ACOXL: variants seen among roughly 807,000 people sequenced by gnomAD.
ACOXL encodes the protein acyl-coenzyme A oxidase-like protein.
A neutral mutation model predicts 71.9 loss-of-function variants in ACOXL; 70 were observed. The ratio of observed to expected loss-of-function variants is 0.97; its 90% CI spans 0.80 to 1.19. The LOEUF (loss-of-function observed/expected upper bound fraction) is 1.19, where lower values mean the gene tolerates loss of function less well. ACOXL is among the 50% of genes most tolerant of loss of function. ACOXL has a pLI of 0.00. For synonymous variants in ACOXL, 253 were observed against 281.6 expected (o/e 0.90, Z 1.02); for missense variants, 703 against 736.3 (o/e 0.95, Z 0.52).
At chr2:110,751,561 C>T (rs1291158992) in intron 1 of ACOXL, among the ~76,000 whole-genome samples, 1 of 152,148 alleles carries the variant, frequency 6.6e-6, no homozygotes, top group African/African-American at 2.4e-5. Context: ...TCAATACATG[C>T]CAGATCTTTT....
chr2:111,046,793 A>G (rs2066037206), intron 15 of ACOXL, among the ~76,000 whole-genome samples: 1 of 152,156 alleles, frequency 6.6e-6, no homozygotes, highest in South Asian at 2.1e-4. Flanking sequence ...CTGAGGAGAC[A>G]GGGAGGGAGT....
At chr2:110,733,899 CTG>C (rs1676509028) in intron 1 of ACOXL, among the ~76,000 whole-genome samples, 1 of 152,192 alleles carries the variant, frequency 6.6e-6, no homozygotes. Flanking sequence ...TGAGTACAAA[CTG>C]TTTTTATAGT....
intron 9 of ACOXL, among the ~76,000 whole-genome samples, chr2:110,811,313 G>A (rs1373900331): frequency 6.6e-6 from 1 of 152,170 alleles, no homozygotes; most frequent in East Asian, 1.9e-4. Context: ...GGTCTTGCAC[G>A]GTGGGGGGTC....
intron 12 of ACOXL, among the ~76,000 whole-genome samples, chr2:110,958,401 G>C (rs1423185126): frequency 6.6e-6 from 1 of 152,316 alleles, no homozygotes; most frequent in Non-Finnish European, 1.5e-5. Context: ...CTGACAACTG[G>C]AAGAACCGCT....
intron 5 of ACOXL, among the ~76,000 whole-genome samples, chr2:110,797,977 TATAAAG>T (rs1685476775): frequency 6.6e-6 from 1 of 152,186 alleles, no homozygotes; most frequent in Admixed American, 6.5e-5. Context: ...AGCCTGGCAT[TATAAAG>T]AGGAGAGACT....
At chr2:110,872,871 C>G (rs1695442363) in intron 10 of ACOXL, among the ~76,000 whole-genome samples, 1 of 152,208 alleles carries the variant, frequency 6.6e-6, no homozygotes, top group Non-Finnish European at 1.5e-5. Flanking sequence ...GGGCTTGTTC[C>G]TGGCTTGACT....
At chr2:110,908,970 C>T in intron 11 of ACOXL, 65 bp downstream of exon 11, 2 of 1,177,242 alleles carry the variant, frequency 1.7e-6, no homozygotes, top group South Asian at 2.9e-5. Context: ...AGTAAGAATT[C>T]AGAGCAGCAG....
chr2:110,828,626 A>G (rs1213751353), intron 9 of ACOXL, among the ~76,000 whole-genome samples: 1 of 152,216 alleles, frequency 6.6e-6, no homozygotes, highest in Non-Finnish European at 1.5e-5. Flanking sequence ...ACGTCATCTC[A>G]TCAGCCTTCT....
chr2:111,106,952 C>G (rs1574783953), intron 17 of ACOXL, among the ~76,000 whole-genome samples: 1 of 152,218 alleles, frequency 6.6e-6, no homozygotes, highest in East Asian at 1.9e-4. Flanking sequence ...TAAGTCTTGA[C>G]TCCCACTAGG....
At chr2:111,007,292 A>G (rs2063923662) in intron 14 of ACOXL, among the ~76,000 whole-genome samples, 1 of 152,228 alleles carries the variant, frequency 6.6e-6, no homozygotes, top group South Asian at 2.1e-4. Flanking sequence ...TATTTTTAGT[A>G]TCCATCAGTG....
At chr2:110,833,896 A>G (rs1033405852) in intron 9 of ACOXL, among the ~76,000 whole-genome samples, 1 of 152,176 alleles carries the variant, frequency 6.6e-6, no homozygotes, top group Non-Finnish European at 1.5e-5. Context: ...GTGGTCTTAC[A>G]TTGAAAAGCG....
intron 1 of ACOXL, among the ~76,000 whole-genome samples, chr2:110,764,849 TC>T (rs1680852443): frequency 6.6e-6 from 1 of 152,186 alleles, no homozygotes. Context: ...AGTAATCTAG[TC>T]TACTATATTT....
intron 14 of ACOXL, among the ~76,000 whole-genome samples, chr2:110,998,794 A>C (rs1240080783): frequency 6.6e-6 from 1 of 152,252 alleles, no homozygotes; most frequent in East Asian, 1.9e-4. Context: ...GTGGGGGATT[A>C]GATTTAAAAT....
At chr2:110,933,697 G>A in intron 12 of ACOXL, 55 bp downstream of exon 12, 2 of 1,547,430 alleles carry the variant, frequency 1.3e-6, no homozygotes, top group Non-Finnish European at 1.7e-6. Context: ...CCCACACTGG[G>A]GGAGCACTGT....
At chr2:111,085,374 C>T (rs1443112831) in intron 16 of ACOXL, among the ~76,000 whole-genome samples, 2 of 152,158 alleles carry the variant, frequency 1.3e-5, no homozygotes, top group Non-Finnish European at 2.9e-5. Context: ...ATCATACCAA[C>T]CATGCTCTTG....
intron 12 of ACOXL, among the ~76,000 whole-genome samples, chr2:110,935,015 G>C (rs938722401): frequency 6.6e-6 from 1 of 152,170 alleles, no homozygotes; most frequent in Non-Finnish European, 1.5e-5. Context: ...TGCATCTCCA[G>C]GAGGTGGCTG....
rs187665791 is a variant in ACOXL, at chr2:110,831,898, A to G, written c.754-9473A>G. On this transcript the variant is annotated intron_variant, in intron 9 of 17. Transcript: ENST00000439055. ...CACATGAAAAAACAAGCCTTATACA[A>G]GTCTTACACCTTATATAAAAATGAC... Among the ~76,000 whole-genome samples, 1,093 of 152,334 alleles carry G rather than the reference A, an allele frequency of 7.2e-3. 6 individuals are homozygous for G. Among genetic ancestry groups the G allele is most frequent in the Middle Eastern group, 0.01 (3 of 294 alleles).
chr2:111,110,833 A>C (rs1489182838), intron 17 of ACOXL, among the ~76,000 whole-genome samples: 1 of 152,198 alleles, frequency 6.6e-6, no homozygotes, highest in Admixed American at 6.5e-5. Flanking sequence ...ATTCTCTTGA[A>C]TCTATCTACA....
chr2:110,864,100 T>C (rs1015719954), intron 10 of ACOXL, among the ~76,000 whole-genome samples: 2 of 152,176 alleles, frequency 1.3e-5, no homozygotes, highest in Non-Finnish European at 2.9e-5. Flanking sequence ...CTGTTGACTC[T>C]GCACCAAAGA....
Sources: allele counts gnomAD v4.1 joint callset (sites outside exome capture counted in the v4.1 genomes callset), GRCh38; gene constraint gnomAD v4.1.1; transcripts MANE v1.5; gene names NCBI Gene and HGNC (gene_info 2026-07-23, HGNC 2026-07-21).